The following PKIA variants were observed in gnomAD, a reference collection of about 807,000 sequenced individuals.
PKIA encodes the protein PKI-alpha.
PKIA carries 4 observed loss-of-function variants against 7.6 expected under a neutral mutation model. That is an observed-to-expected ratio of 0.52 (90% CI 0.26 to 1.20). PKIA has a LOEUF of 1.20. Among genes scored for constraint, PKIA ranks in the 50% most tolerant of loss-of-function variants. PKIA has a pLI of 0.13. For synonymous variants in PKIA, 21 were observed against 30.7 expected, an observed-to-expected ratio of 0.68 and a Z score of 1.04; for missense variants, 73 against 86.2, an observed-to-expected ratio of 0.85 and a Z score of 0.61.
rs932411396 is a variant in PKIA at position 78,565,578 on chromosome 8, A to G, written c.-156-7233A>G. Reference sequence around the variant, plus strand: ...TTATTTGCATAGTTAGAAGCTCCTAAATTATTTATTAAGGATACCTGGCAG... The same window carrying G: ...TTATTTGCATAGTTAGAAGCTCCTAGATTATTTATTAAGGATACCTGGCAG... On this transcript the variant is annotated intron_variant, in intron 1 of 3. Transcript: ENST00000396418. 4.6e-5 allele frequency among the ~76,000 whole-genome samples: 7 copies of G among 152,008 alleles called. No homozygotes were observed. The East Asian group carries it at 1.2e-3, about 25-fold the overall frequency.
chr8:78,599,431 AG>A (rs1808304040), intron 3 of PKIA, among the ~76,000 whole-genome samples: 3 of 152,230 alleles, frequency 2.0e-5, no homozygotes, highest in African/African-American at 7.2e-5. Context: ...TTAGATTATT[AG>A]AAAACTGAGT....
chr8:78,569,541 A>C (rs147319896), intron 1 of PKIA, among the ~76,000 whole-genome samples: 1 of 152,112 alleles, frequency 6.6e-6, no homozygotes, highest in Non-Finnish European at 1.5e-5. Flanking sequence ...TCTAAAAATA[A>C]TAAGTTAAAA....
At chr8:78,564,580 G>GTCTA (rs1433424990) in intron 1 of PKIA, among the ~76,000 whole-genome samples, 3 of 151,810 alleles carry the variant, frequency 2.0e-5, no homozygotes, top group Admixed American at 6.6e-5. Context: ...ATTTGGCAAT[G>GTCTA]TCTAGTAAGA....
At chr8:78,556,387 AT>A (rs1319060852) in intron 1 of PKIA, 1 of 152,134 alleles carries the variant, frequency 6.6e-6, no homozygotes, top group African/African-American at 2.4e-5. Context: ...AAGTAAAAAA[AT>A]CAATTATCTA....
At chr8:78,567,483 T>G (rs1406283828) in intron 1 of PKIA, among the ~76,000 whole-genome samples, 3 of 152,114 alleles carry the variant, frequency 2.0e-5, no homozygotes, top group African/African-American at 4.8e-5. Context: ...TTCTCAAGAT[T>G]GGGAGTGTGC....
intron 1 of PKIA, among the ~76,000 whole-genome samples, chr8:78,527,346 C>T (rs917616165): frequency 6.6e-6 from 1 of 151,928 alleles, no homozygotes; most frequent in African/African-American, 2.4e-5. Context: ...ATATATTACA[C>T]ATATTTTATG....
At chr8:78,540,341 T>G (rs1265741658) in intron 1 of PKIA, among the ~76,000 whole-genome samples, 1 of 152,028 alleles carries the variant, frequency 6.6e-6, no homozygotes, top group Non-Finnish European at 1.5e-5. Flanking sequence ...AGATAGTCCC[T>G]CAAATAGACA....
intron 1 of PKIA, among the ~76,000 whole-genome samples, chr8:78,527,970 A>G (rs1806289328): frequency 1.3e-5 from 2 of 151,990 alleles, no homozygotes; most frequent in African/African-American, 4.8e-5. Context: ...CAGAATATAG[A>G]CTTGTTCTTT....
intron 1 of PKIA, among the ~76,000 whole-genome samples, chr8:78,525,672 G>C (rs1366902338): frequency 6.6e-6 from 1 of 152,008 alleles, no homozygotes; most frequent in Non-Finnish European, 1.5e-5. Flanking sequence ...CTGTAAAGTT[G>C]TAACAATTTT....
At chr8:78,522,364 A>G (rs770975484) in intron 1 of PKIA, among the ~76,000 whole-genome samples, 2 of 151,910 alleles carry the variant, frequency 1.3e-5, no homozygotes, top group Non-Finnish European at 2.9e-5. Context: ...TTTACTTTTG[A>G]TCAAAGAATG....
chr8:78,585,042 T>C (rs1221843920), intron 2 of PKIA, among the ~76,000 whole-genome samples: 1 of 152,026 alleles, frequency 6.6e-6, no homozygotes, highest in Non-Finnish European at 1.5e-5. Context: ...CATGTCATGA[T>C]TTTCCAGATA....
intron 1 of PKIA, among the ~76,000 whole-genome samples, chr8:78,561,057 T>C (rs1219713711): frequency 6.6e-6 from 1 of 152,162 alleles, no homozygotes; most frequent in Non-Finnish European, 1.5e-5. Context: ...ACGTGGTATA[T>C]CAGTACAAAT....
chr8:78,599,815 C>T (rs1419777013), intron 3 of PKIA, among the ~76,000 whole-genome samples: 1 of 151,760 alleles, frequency 6.6e-6, no homozygotes, highest in Non-Finnish European at 1.5e-5. Context: ...TTAATTTTAG[C>T]TGCTCTTAAT....
chr8:78,530,552 A>G (rs1045633488), intron 1 of PKIA, among the ~76,000 whole-genome samples: 2 of 152,028 alleles, frequency 1.3e-5, no homozygotes, highest in Non-Finnish European at 2.9e-5. Context: ...CTTTGTGTCT[A>G]TCAGCAGCTC....
intron 1 of PKIA, among the ~76,000 whole-genome samples, chr8:78,541,135 G>A (rs887956112): frequency 4.6e-5 from 7 of 151,932 alleles, no homozygotes; most frequent in East Asian, 1.9e-4. Flanking sequence ...TACTATCATC[G>A]TCTACTCTCC....
intron 1 of PKIA, among the ~76,000 whole-genome samples, chr8:78,541,527 T>C (rs1270233969): frequency 6.6e-6 from 1 of 152,168 alleles, no homozygotes; most frequent in Non-Finnish European, 1.5e-5. Flanking sequence ...CTTTTGATTA[T>C]TTCATAAATT....
intron 1 of PKIA, among the ~76,000 whole-genome samples, chr8:78,537,550 T>C (rs1278792914): frequency 6.6e-6 from 1 of 152,034 alleles, no homozygotes; most frequent in African/African-American, 2.4e-5. Context: ...ATAACCGATA[T>C]ATTTTTGAGT....
intron 1 of PKIA, among the ~76,000 whole-genome samples, chr8:78,544,130 T>C (rs1157783966): frequency 6.6e-6 from 1 of 152,198 alleles, no homozygotes; most frequent in Non-Finnish European, 1.5e-5. Context: ...CACTTAAGGA[T>C]TGCTATGCTG....
chr8:78,555,082 C>CACTT (rs1807095191), intron 1 of PKIA, among the ~76,000 whole-genome samples: 1 of 151,948 alleles, frequency 6.6e-6, no homozygotes, highest in Admixed American at 6.6e-5. Context: ...GGGTACAAGG[C>CACTT]ACTTACAGGT....
Sources: gnomAD v4.1 joint callset for allele counts (sites outside exome capture counted in the v4.1 genomes callset) on GRCh38, gnomAD v4.1.1 for gene constraint, MANE v1.5 for transcripts, NCBI Gene and HGNC (gene_info 2026-07-23, HGNC 2026-07-21) for gene names.